The following NRG1 variants were observed in gnomAD, a reference collection of about 807,000 sequenced individuals.
NRG1 encodes the protein pro-neuregulin-1, membrane-bound isoform.
In NRG1, 18 loss-of-function variants were observed where a neutral mutation model predicts 63.8. The ratio of observed to expected loss-of-function variants is 0.28; its 90% CI spans 0.19 to 0.42. The LOEUF (loss-of-function observed/expected upper bound fraction) is 0.42, where lower values mean the gene tolerates loss of function less well. Among genes scored for constraint, NRG1 ranks in the 10% least tolerant of loss-of-function variants. The probability of loss-of-function intolerance (pLI) is 1.00; values close to 1 mark genes in which losing one functional copy is unlikely to be tolerated. For missense variants in NRG1, 762 were observed against 814.7 expected (o/e 0.94, Z 0.79); for synonymous variants, 302 against 301.3 (o/e 1.00, Z -0.02).
chr8:32,235,864 A>C (rs899022528), intron 1 of NRG1, among the ~76,000 whole-genome samples: 1 of 152,150 alleles, frequency 6.6e-6, no homozygotes, highest in Admixed American at 6.5e-5. Flanking sequence ...TCCTTGAATC[A>C]CTTACTGAAT....
chr8:32,238,014 G>A (rs1365115714), intron 1 of NRG1, among the ~76,000 whole-genome samples: 1 of 152,158 alleles, frequency 6.6e-6, no homozygotes, highest in East Asian at 1.9e-4. Flanking sequence ...AATTGCCAAA[G>A]TAGGGTTATC....
At position 32,721,635 on chromosome 8, in the gene NRG1, C is replaced by T. The variant is rs1820668677; in HGVS notation, c.503-6314C>T. ...AACTCTATGCAGGTTCTTTGATCTC[C>T]TCTGGCCACTTTCTTTCTTTTTCAA... On this transcript the variant is annotated intron_variant, in intron 5 of 11. Coordinates refer to ENST00000356819, the Ensembl canonical transcript of NRG1. 6 of 197,760 alleles carry T rather than the reference C, an allele frequency of 3.0e-5. No individual in the cohort carries two copies. In the South Asian group the frequency reaches 8.4e-4, roughly 28 times the overall value. 12.3% of individuals were successfully genotyped at this position (197,760 alleles called of 1,614,324 possible).
chr8:31,770,808 CTT>C (rs1163554543), intron 1 of NRG1, among the ~76,000 whole-genome samples: 2 of 144,866 alleles, frequency 1.4e-5, no homozygotes, highest in African/African-American at 5.0e-5. Context: ...CATATATAAA[CTT>C]GTTTTGTGAA....
chr8:32,020,377 T>C (rs1386686556), intron 1 of NRG1, among the ~76,000 whole-genome samples: 1 of 152,238 alleles, frequency 6.6e-6, no homozygotes, highest in Non-Finnish European at 1.5e-5. Context: ...ATTTCCCTTA[T>C]TAGTCATTGT....
intron 1 of NRG1, among the ~76,000 whole-genome samples, chr8:31,911,074 A>G (rs1832903984): frequency 6.6e-6 from 1 of 152,164 alleles, no homozygotes; most frequent in Non-Finnish European, 1.5e-5. Context: ...CATGAAAACA[A>G]AAGTGCAGCA....
chr8:32,412,895 C>A (rs1472621206), intron 1 of NRG1, among the ~76,000 whole-genome samples: 1 of 152,058 alleles, frequency 6.6e-6, no homozygotes, highest in African/African-American at 2.4e-5. Context: ...ACACTTAATC[C>A]TCACAAAAAC....
intron 1 of NRG1, among the ~76,000 whole-genome samples, chr8:32,177,867 C>A (rs1343409690): frequency 1.3e-5 from 2 of 151,914 alleles, no homozygotes; most frequent in Non-Finnish European, 1.5e-5. Context: ...GGGTGTGGTG[C>A]CTTGCACAGA....
chr8:32,098,629 G>T (rs1448425858), intron 1 of NRG1: 1 of 152,088 alleles, frequency 6.6e-6, no homozygotes, highest in Non-Finnish European at 1.5e-5. Context: ...TTTCACAGAG[G>T]GTTCTATTTT....
At chr8:32,325,858 T>C (rs545087923) in intron 1 of NRG1, among the ~76,000 whole-genome samples, 1 of 152,206 alleles carries the variant, frequency 6.6e-6, no homozygotes, top group Non-Finnish European at 1.5e-5. Flanking sequence ...CCACAGGCTA[T>C]TGCTTACAGC....
At chr8:32,310,657 A>G (rs1856715534) in intron 1 of NRG1, among the ~76,000 whole-genome samples, 1 of 152,222 alleles carries the variant, frequency 6.6e-6, no homozygotes, top group Non-Finnish European at 1.5e-5. Context: ...GAAGGAACAA[A>G]GAAAAGAGAA....
At chr8:32,608,797 C>T (rs966410866) in intron 3 of NRG1, among the ~76,000 whole-genome samples, 1 of 152,158 alleles carries the variant, frequency 6.6e-6, no homozygotes, top group Non-Finnish European at 1.5e-5. Flanking sequence ...TCAGACTCCG[C>T]CTCTTTATAA....
At chr8:32,469,445 G>A (rs1013659417) in intron 1 of NRG1, among the ~76,000 whole-genome samples, 65 of 152,172 alleles carry the variant, frequency 4.3e-4, no homozygotes, top group African/African-American at 1.5e-3. Context: ...TGCTGTTCTT[G>A]TTGGTAGTCA....
In NRG1 at chr8:32,742,518, G is replaced by C. The variant is rs1003042379; in HGVS notation, c.633-157G>C. 1.3e-4 allele frequency among the ~76,000 whole-genome samples: 20 copies of C among 152,198 alleles called. No homozygotes were observed. The highest frequency in any genetic ancestry group is 4.6e-4 in the Admixed American group (7 of 15,268). On this transcript the variant is annotated intron_variant, in intron 6 of 11. Transcript: ENST00000356819. This position sits in a 1 kb window ranked among gnomAD's most constrained non-coding sequence, Gnocchi z 4.2. Reference sequence around the variant, plus strand: ...TTTTAACCATTTGGGGGAAGTGCCAGAGCCTGAAAGCCATGATCAGGGCAA... The same window carrying C: ...TTTTAACCATTTGGGGGAAGTGCCACAGCCTGAAAGCCATGATCAGGGCAA...
intron 5 of NRG1, among the ~76,000 whole-genome samples, chr8:32,654,565 G>T (rs1287550962): frequency 6.6e-6 from 1 of 151,834 alleles, no homozygotes; most frequent in East Asian, 1.9e-4. Context: ...GGAGGCGGAG[G>T]TTGCAGTGAG....
chr8:31,873,667 C>A (rs1199789692), intron 1 of NRG1, among the ~76,000 whole-genome samples: 5 of 152,178 alleles, frequency 3.3e-5, no homozygotes, highest in Admixed American at 6.5e-5. Flanking sequence ...TGAAATGGGT[C>A]TGAATGCCTA....
chr8:32,407,635 T>C (rs1814274264), intron 1 of NRG1, among the ~76,000 whole-genome samples: 1 of 151,828 alleles, frequency 6.6e-6, no homozygotes, highest in Admixed American at 6.6e-5. Flanking sequence ...TCTTCCTCCT[T>C]ACCTCTCTCT....
chr8:31,809,381 C>T lies in NRG1; in HGVS notation c.37+169950C>T, dbSNP rs140671853. 4.5e-3 allele frequency among the ~76,000 whole-genome samples: 615 copies of T among 136,498 alleles called. 3 individuals are homozygous for T. In the Middle Eastern group the frequency reaches 0.051, roughly 11 times the overall value. 89.5% of individuals were successfully genotyped at this position (136,498 alleles called of 152,430 possible). ...ACACATATATATACACGTATATATA[C>T]GTGTATATATATGTGTGTGTGTGTA... On this transcript the variant is annotated intron_variant, in intron 1 of 10. Coordinates refer to the NRG1 transcript ENST00000519301.
chr8:32,249,527 C>T (rs1421107584), intron 1 of NRG1, among the ~76,000 whole-genome samples: 4 of 152,054 alleles, frequency 2.6e-5, no homozygotes, highest in African/African-American at 4.8e-5. Flanking sequence ...GTCTTTCACC[C>T]ATAAGATACA....
chr8:32,700,458 G>A (rs1814557519), intron 5 of NRG1, among the ~76,000 whole-genome samples: 1 of 152,260 alleles, frequency 6.6e-6, no homozygotes, highest in African/African-American at 2.4e-5. Flanking sequence ...TTCCTTGAGT[G>A]TAAAGACACT....
Sources: gnomAD v4.1 joint callset for allele counts (sites outside exome capture counted in the v4.1 genomes callset) on GRCh38, gnomAD v4.1.1 for gene constraint, Gnocchi (gnomAD v3.1) non-coding constraint, MANE v1.5 for transcripts, NCBI Gene and HGNC (gene_info 2026-07-23, HGNC 2026-07-21) for gene names.